The following NRCAM variants were observed in gnomAD, a reference collection of about 807,000 sequenced individuals.
The protein encoded by NRCAM is NgCAM-related cell adhesion molecule.
In NRCAM, 83 loss-of-function variants were observed where a neutral mutation model predicts 156.5. The ratio of observed to expected loss-of-function variants is 0.53; its 90% CI spans 0.44 to 0.64. The LOEUF (loss-of-function observed/expected upper bound fraction) is 0.64, where lower values mean the gene tolerates loss of function less well. Ranked by LOEUF, NRCAM falls within the 30% of genes least tolerant of loss-of-function variation. The pLI, the probability that NRCAM is intolerant of heterozygous loss-of-function variation, is 0.00. For synonymous variants in NRCAM, 538 were observed against 563.9 expected, an observed-to-expected ratio of 0.95 and a Z score of 0.65; for missense variants, 1,417 against 1,597.3, an observed-to-expected ratio of 0.89 and a Z score of 1.92.
In NRCAM at chr7:108,231,105, C is replaced by T. The variant is rs762133592; in HGVS notation, c.476G>A (p.Ser159Asn). 7.5e-6 allele frequency: 12 copies of T among 1,608,148 alleles called. No individual in the cohort carries two copies. Among genetic ancestry groups the T allele is most frequent in the Middle Eastern group, 3.3e-4 (2 of 6,058 alleles). ...GCAGGGAAGTACTAAAGACTGACCA[C>T]TTTGAAGTGTGATTGGTTCAAGTTT... is the stretch of plus-strand genomic sequence containing the variant. ...KEKLEPITLQ[S>N]GQSLVLPCRP... The change falls in exon 8 of 33, where the codon AGT (serine) becomes AAT (asparagine). Residue 159 changes from serine to asparagine, a missense_variant. Transcript: ENST00000379028.
chr7:108,445,680 T>C (rs1289305287), intron 1 of NRCAM, among the ~76,000 whole-genome samples: 1 of 152,188 alleles, frequency 6.6e-6, no homozygotes, highest in Non-Finnish European at 1.5e-5. Flanking sequence ...TAAGTAACTT[T>C]TCCAAAGCCA....
chr7:108,221,672 T>C (rs545709130), intron 11 of NRCAM, among the ~76,000 whole-genome samples: 2 of 152,206 alleles, frequency 1.3e-5, no homozygotes, highest in African/African-American at 4.8e-5. Flanking sequence ...GGCATAAGAA[T>C]AACACAATGG....
At chr7:108,245,410 T>A (rs767447484) in intron 3 of NRCAM, among the ~76,000 whole-genome samples, 56 of 152,208 alleles carry the variant, frequency 3.7e-4, no homozygotes, top group Non-Finnish European at 8.1e-4. Context: ...CTTTAGGAGC[T>A]TCTTCACACC....
At chr7:108,178,401 C>T (rs1405737962) in intron 25 of NRCAM, 1 of 450,764 alleles carries the variant, frequency 2.2e-6, no homozygotes, top group East Asian at 5.9e-5. Flanking sequence ...AGAGGCAGTA[C>T]TTGTTTGACG....
intron 26 of NRCAM, among the ~76,000 whole-genome samples, chr7:108,177,226 C>T (rs1448411353): frequency 1.3e-5 from 2 of 152,104 alleles, no homozygotes; most frequent in African/African-American, 2.4e-5. Flanking sequence ...TGTTCTCACT[C>T]ATAGGTGAAA....
Position 108,317,866 on chromosome 7 carries a change from G to A in NRCAM, c.-173-5135C>T, listed in dbSNP as rs191449756. Among the ~76,000 whole-genome samples the A allele has an allele frequency of 5.9e-4, 87 of 148,426 alleles. 1 individual carries two copies. Among genetic ancestry groups the A allele is most frequent in the Middle Eastern group, 3.5e-3 (1 of 286 alleles). ...AGAGGTTGCAGTGAGTTGAGATGGC[G>A]CCATTGCACTCTAGCCTGGGTGACA... On this transcript the variant is annotated intron_variant, in intron 2 of 32. Transcript: ENST00000379028.
At chr7:108,442,207 C>T (rs1230695555) in intron 1 of NRCAM, among the ~76,000 whole-genome samples, 1 of 152,132 alleles carries the variant, frequency 6.6e-6, no homozygotes, top group Non-Finnish European at 1.5e-5. Flanking sequence ...ATGTGATGTG[C>T]AGCTGTCAGT....
At chr7:108,315,703 C>T (rs2098907202) in intron 2 of NRCAM, among the ~76,000 whole-genome samples, 1 of 152,166 alleles carries the variant, frequency 6.6e-6, no homozygotes, top group Admixed American at 6.5e-5. Context: ...GGGACTGACC[C>T]CATGTTATAC....
intron 3 of NRCAM, among the ~76,000 whole-genome samples, chr7:108,294,344 G>A (rs1275138880): frequency 6.6e-6 from 1 of 151,662 alleles, no homozygotes; most frequent in East Asian, 1.9e-4. Flanking sequence ...TTCGAATCTG[G>A]GGATCACCTC....
In NRCAM at chr7:108,273,228, A is replaced by G. The variant is rs371115846; in HGVS notation, c.-106-33058T>C. ...AACAAAAGTGTACATGTGTCTTTAT[A>G]GTAGCATGATTTATAATCCTTTGGG... On this transcript the variant is annotated intron_variant, in intron 3 of 32. Coordinates refer to ENST00000379028, the MANE Select transcript of NRCAM (RefSeq NM_001037132.4). Among the ~76,000 whole-genome samples the G allele has an allele frequency of 3.3e-5, 5 of 152,178 alleles. No individual in the cohort carries two copies. In the East Asian group the frequency reaches 9.6e-4, roughly 29 times the overall value.
chr7:108,210,558 T>C (rs2083626269), intron 11 of NRCAM, among the ~76,000 whole-genome samples: 1 of 152,194 alleles, frequency 6.6e-6, no homozygotes, highest in South Asian at 2.1e-4. Context: ...AACTGTGTTT[T>C]TTATTGTCAT....
chr7:108,428,213 T>C (rs1321964510), intron 1 of NRCAM, among the ~76,000 whole-genome samples: 1 of 152,190 alleles, frequency 6.6e-6, no homozygotes, highest in Non-Finnish European at 1.5e-5. Context: ...AAACCATTCA[T>C]AGGTTTTCTA....
intron 2 of NRCAM, among the ~76,000 whole-genome samples, chr7:108,319,245 T>C (rs898358300): frequency 6.6e-6 from 1 of 152,216 alleles, no homozygotes; most frequent in East Asian, 1.9e-4. Context: ...AAATTCAACT[T>C]ATACCCTAAA....
Position 108,194,422 on chromosome 7 carries a change from T to C in NRCAM, c.1470A>G (p.Lys490=). Residue 490 remains lysine (K), a synonymous_variant, in exon 16 of 33, where the codon AAA becomes AAG. Coordinates refer to ENST00000379028, the MANE Select transcript of NRCAM (RefSeq NM_001037132.4). ...CATGAAGAGCACTTCCTTTAGCTCC[T>C]TTAAACCTTCATTACAGAAATTATC... ...GSPLPTIEWF[K]GAKGSALHED... 6.3e-7 allele frequency: 1 copy of C among 1,585,744 alleles called. No homozygotes were observed. The highest frequency in any genetic ancestry group is 1.2e-5 in the South Asian group (1 of 86,290).
chr7:108,407,189 C>A (rs534117350), intron 1 of NRCAM, among the ~76,000 whole-genome samples: 1 of 152,154 alleles, frequency 6.6e-6, no homozygotes, highest in Non-Finnish European at 1.5e-5. Flanking sequence ...GGTTTATCAA[C>A]CTGCTATTCT....
At chr7:108,353,490 T>TA (rs2099443435) in intron 2 of NRCAM, among the ~76,000 whole-genome samples, 1 of 151,100 alleles carries the variant, frequency 6.6e-6, no homozygotes, top group South Asian at 2.1e-4. Flanking sequence ...CAGATAATTT[T>TA]AAATTTTTTT....
chr7:108,409,088 G>A (rs1343955291), intron 1 of NRCAM, among the ~76,000 whole-genome samples: 2 of 152,148 alleles, frequency 1.3e-5, no homozygotes, highest in Non-Finnish European at 2.9e-5. Context: ...AGTCTCACAC[G>A]GCCCCAGAGG....
At chr7:108,357,392 G>A (rs1429471076) in intron 2 of NRCAM, among the ~76,000 whole-genome samples, 2 of 147,802 alleles carry the variant, frequency 1.4e-5, no homozygotes, top group Non-Finnish European at 3.0e-5. Flanking sequence ...GGGGTGCAAT[G>A]GCACGATCTC....
At chr7:108,239,314 T>C (rs2095371061) in intron 4 of NRCAM, among the ~76,000 whole-genome samples, 2 of 152,218 alleles carry the variant, frequency 1.3e-5, no homozygotes, top group Non-Finnish European at 2.9e-5. Flanking sequence ...TTTTAGCAGT[T>C]GCATTTTGGC....
Sources: gnomAD v4.1 joint callset for allele counts (sites outside exome capture counted in the v4.1 genomes callset) on GRCh38, gnomAD v4.1.1 for gene constraint, MANE v1.5 for transcripts, NCBI Gene and HGNC (gene_info 2026-07-23, HGNC 2026-07-21) for gene names.